C12orf42: variants seen among roughly 807,000 people sequenced by gnomAD.
The protein encoded by C12orf42 is uncharacterized protein C12orf42.
Under a neutral mutation model 21.6 loss-of-function variants are expected in C12orf42, and 25 were observed. That is an observed-to-expected ratio of 1.16 (90% CI 0.84 to 1.62). The LOEUF (loss-of-function observed/expected upper bound fraction) is 1.62, where lower values mean the gene tolerates loss of function less well. C12orf42 is among the 40% of genes most tolerant of loss of function. The pLI is 0.00. For synonymous variants in C12orf42, 174 were observed against 175.0 expected, an observed-to-expected ratio of 0.99 and a Z score of 0.05; for missense variants, 483 against 459.3, an observed-to-expected ratio of 1.05 and a Z score of -0.47.
chr12:103,462,096 G>GTTTTTTTTTT (rs71097979), intron 2 of C12orf42, among the ~76,000 whole-genome samples: 298 of 27,706 alleles, frequency 0.011, 91 homozygotes, highest in Middle Eastern at 0.042. Flanking sequence ...TTTTTGCTTG[G>GTTTTTTTTTT]TTTTTTTTTT....
chr12:103,143,158 C>G, the C12orf42 span, among the ~76,000 whole-genome samples: 583 of 152,266 alleles, frequency 3.8e-3, 9 homozygotes, highest in African/African-American at 0.013. Flanking sequence ...CAACTTTCTG[C>G]CTTTGAAAAA....
At chr12:103,230,878 G>A in the C12orf42 span, among the ~76,000 whole-genome samples, 1 of 151,870 alleles carries the variant, frequency 6.6e-6, no homozygotes, top group Non-Finnish European at 1.5e-5. Flanking sequence ...AACTTGAGTT[G>A]GATTTTTAGT....
At chr12:103,075,200 G>A in the C12orf42 span, among the ~76,000 whole-genome samples, 1 of 152,106 alleles carries the variant, frequency 6.6e-6, no homozygotes, top group Admixed American at 6.6e-5. Flanking sequence ...CTCCAGAAAT[G>A]TACTGTTTTT....
At chr12:103,168,192 T>A in the C12orf42 span, 1 of 419,324 alleles carries the variant, frequency 2.4e-6, no homozygotes, top group Non-Finnish European at 4.7e-6. Flanking sequence ...TTCTTCTGCT[T>A]ACACCAATCC....
At chr12:103,468,744 G>A (rs911318977) in intron 2 of C12orf42, among the ~76,000 whole-genome samples, 1 of 151,702 alleles carries the variant, frequency 6.6e-6, no homozygotes, top group African/African-American at 2.4e-5. Context: ...AAAACGGGTC[G>A]ATGAATTCAC....
intron 4 of C12orf42, among the ~76,000 whole-genome samples, chr12:103,317,135 A>G (rs2039588471): frequency 6.6e-6 from 1 of 152,212 alleles, no homozygotes; most frequent in Non-Finnish European, 1.5e-5. Flanking sequence ...TGTCTTGTTC[A>G]TGGAGCAATT....
intron 10 of C12orf42, among the ~76,000 whole-genome samples, chr12:103,259,513 A>G (rs907240718): frequency 6.6e-6 from 1 of 152,182 alleles, no homozygotes; most frequent in Non-Finnish European, 1.5e-5. Context: ...TCCTGGCCTC[A>G]GGTGATCCAC....
the C12orf42 span, among the ~76,000 whole-genome samples, chr12:103,190,023 G>C: frequency 1.3e-5 from 2 of 152,036 alleles, no homozygotes; most frequent in Admixed American, 1.3e-4. Flanking sequence ...GTTTATTTGG[G>C]AGAATTGGCT....
chr12:103,360,292 G>C (rs575720349), intron 4 of C12orf42, among the ~76,000 whole-genome samples: 64 of 151,488 alleles, frequency 4.2e-4, no homozygotes, highest in Non-Finnish European at 6.3e-4. Context: ...CTACTAGCAG[G>C]GCTCTGCTCC....
chr12:103,225,956 C>T, the C12orf42 span, among the ~76,000 whole-genome samples: 7 of 152,186 alleles, frequency 4.6e-5, no homozygotes, highest in African/African-American at 9.7e-5. Context: ...GCCGCTAAGC[C>T]GAGAAGATCT....
At chr12:103,469,984 C>T (rs1362542920) in intron 2 of C12orf42, among the ~76,000 whole-genome samples, 1 of 152,132 alleles carries the variant, frequency 6.6e-6, no homozygotes, top group East Asian at 1.9e-4. Context: ...TAAAATGAGT[C>T]ACTGAATACC....
At chr12:103,060,722 G>T in the C12orf42 span, among the ~76,000 whole-genome samples, 3 of 152,164 alleles carry the variant, frequency 2.0e-5, no homozygotes, top group African/African-American at 7.2e-5. Context: ...AAGCAATGGG[G>T]AAAGGTTTCC....
chr12:103,149,861 G>T, the C12orf42 span, among the ~76,000 whole-genome samples: 16 of 152,218 alleles, frequency 1.1e-4, no homozygotes, highest in African/African-American at 3.9e-4. Context: ...ATAAAATTAA[G>T]ATTTCATTTT....
At chr12:103,364,796 C>G (rs1188125022) in intron 4 of C12orf42, among the ~76,000 whole-genome samples, 1 of 151,864 alleles carries the variant, frequency 6.6e-6, no homozygotes, top group African/African-American at 2.4e-5. Context: ...GAATTAGAAA[C>G]CCTGAACAGA....
intron 4 of C12orf42, among the ~76,000 whole-genome samples, chr12:103,346,319 A>G (rs2042618753): frequency 6.6e-6 from 1 of 152,232 alleles, no homozygotes; most frequent in African/African-American, 2.4e-5. Context: ...ACTGTGGTTT[A>G]TAAATGAATA....
the C12orf42 span, among the ~76,000 whole-genome samples, chr12:103,207,583 G>A: frequency 6.6e-6 from 1 of 152,268 alleles, no homozygotes; most frequent in Admixed American, 6.5e-5. Flanking sequence ...TATATAATAT[G>A]ACAGCCATGG....
chr12:103,295,869 T>C (rs2037236992), intron 4 of C12orf42, among the ~76,000 whole-genome samples: 1 of 152,204 alleles, frequency 6.6e-6, no homozygotes, highest in Non-Finnish European at 1.5e-5. Flanking sequence ...TTTTAAATTT[T>C]TTTTTAAATT....
the C12orf42 span, among the ~76,000 whole-genome samples, chr12:103,067,645 T>TC: frequency 1.3e-5 from 2 of 152,154 alleles, no homozygotes; most frequent in Admixed American, 6.6e-5. Context: ...AATTTTTGCT[T>TC]CCTATTCCCT....
chr12:103,323,967 T>C (rs1470765155), intron 4 of C12orf42, among the ~76,000 whole-genome samples: 1 of 152,204 alleles, frequency 6.6e-6, no homozygotes, highest in African/African-American at 2.4e-5. Flanking sequence ...ATTTTATCTA[T>C]AGAGAGTTCT....
Sources: gnomAD v4.1 joint callset for allele counts (sites outside exome capture counted in the v4.1 genomes callset) on GRCh38, gnomAD v4.1.1 for gene constraint, MANE v1.5 for transcripts, NCBI Gene and HGNC (gene_info 2026-07-23, HGNC 2026-07-21) for gene names.